The following FBXL13 variants were observed in gnomAD, a reference collection of about 807,000 sequenced individuals.
The protein encoded by FBXL13 is F-box and leucine rich repeat protein 13, also known as F-box and leucine-rich repeat protein 13.
A neutral mutation model predicts 83.6 loss-of-function variants in FBXL13; 67 were observed. The observed-to-expected ratio is 0.80, with a 90% CI of 0.66 to 0.98. The LOEUF (loss-of-function observed/expected upper bound fraction) is 0.98, where lower values mean the gene tolerates loss of function less well. Among genes scored for constraint, FBXL13 ranks in the 50% least tolerant of loss-of-function variants. FBXL13 has a pLI of 0.00. For missense variants in FBXL13, 822 were observed against 866.5 expected (o/e 0.95, Z 0.64); for synonymous variants, 272 against 299.5 (o/e 0.91, Z 0.95).
chr7:102,841,395 T>C (rs7800548), intron 17 of FBXL13, among the ~76,000 whole-genome samples: 69,690 of 151,996 alleles, frequency 0.46, 17,887 homozygotes, highest in African/African-American at 0.7. Context: ...GGATGCTCAA[T>C]ATGAAAAGAA....
At chr7:103,006,238 G>A (rs1585324091) in intron 6 of FBXL13, among the ~76,000 whole-genome samples, 1 of 152,186 alleles carries the variant, frequency 6.6e-6, no homozygotes, top group East Asian at 1.9e-4. Context: ...GCAGAAAAGT[G>A]GGAGCTACAC....
At chr7:103,018,023 C>T (rs1342670441) in intron 6 of FBXL13, among the ~76,000 whole-genome samples, 2 of 151,920 alleles carry the variant, frequency 1.3e-5, no homozygotes, top group Non-Finnish European at 2.9e-5. Flanking sequence ...ACATAATTGT[C>T]AGATTCACCA....
intron 11 of FBXL13, among the ~76,000 whole-genome samples, chr7:102,910,884 A>G (rs1814538684): frequency 6.6e-6 from 1 of 152,072 alleles, no homozygotes; most frequent in South Asian, 2.1e-4. Flanking sequence ...TCAGCCTCCC[A>G]GGCAGCTGGG....
intron 7 of FBXL13, among the ~76,000 whole-genome samples, chr7:102,967,179 T>C (rs1826058640): frequency 6.6e-6 from 1 of 152,106 alleles, no homozygotes; most frequent in South Asian, 2.1e-4. Context: ...AGGATGGTCT[T>C]GATCTCTTGA....
intron 8 of FBXL13, chr7:102,944,857 G>C (rs572139285): frequency 2.6e-6 from 1 of 384,486 alleles, no homozygotes; most frequent in South Asian, 7.2e-5. Context: ...GCAGCAGTTG[G>C]GTCCTAATGA....
intron 8 of FBXL13, among the ~76,000 whole-genome samples, chr7:102,955,295 G>A (rs961009511): frequency 6.6e-6 from 1 of 152,042 alleles, no homozygotes; most frequent in African/African-American, 2.4e-5. Context: ...AATGACTACT[G>A]GGTAAATAAT....
rs536389243 is a variant in FBXL13 at position 103,032,546 on chromosome 7, C to T, written c.1-3128G>A. On this transcript the variant is annotated intron_variant, in intron 2 of 19. Coordinates refer to ENST00000313221, the Ensembl canonical transcript of FBXL13. ...TTACACGGTTTGTTCAAACTAGAAT[C>T]CAGACAAGGACCATATATTTGCATT... 8.9e-4 allele frequency among the ~76,000 whole-genome samples: 135 copies of T among 152,264 alleles called. 2 individuals carry two copies. Among genetic ancestry groups the T allele is most frequent in the African/African-American group, 3.1e-3 (127 of 41,548 alleles).
intron 8 of FBXL13, chr7:102,934,514 A>T (rs776638319): frequency 1.1e-5 from 18 of 1,612,092 alleles, no homozygotes; most frequent in African/African-American, 8.1e-5. Context: ...ACAAAAAAAT[A>T]AAAAACTGCG....
At chr7:102,950,047 G>T (rs1339225356) in intron 8 of FBXL13, among the ~76,000 whole-genome samples, 1 of 152,154 alleles carries the variant, frequency 6.6e-6, no homozygotes, top group East Asian at 1.9e-4. Context: ...TGTGGTTGCA[G>T]TGAGCCAAGA....
chr7:102,863,659 A>G (rs889860125), intron 16 of FBXL13, among the ~76,000 whole-genome samples: 1 of 152,206 alleles, frequency 6.6e-6, no homozygotes, highest in Non-Finnish European at 1.5e-5. Context: ...TCCAAAAGTC[A>G]GATGGATGTT....
intron 11 of FBXL13, among the ~76,000 whole-genome samples, chr7:102,888,354 C>T (rs192872721): frequency 9.2e-5 from 14 of 152,204 alleles, no homozygotes; most frequent in African/African-American, 3.1e-4. Context: ...CTGGCTAATA[C>T]GGTGAAACCC....
intron 11 of FBXL13, among the ~76,000 whole-genome samples, chr7:102,912,421 A>G (rs1017100736): frequency 2.0e-5 from 3 of 152,184 alleles, no homozygotes. Flanking sequence ...ATTATGGCTT[A>G]AATCTTTTGA....
rs1013036408 is a variant in FBXL13, at chr7:102,884,317, A to G, written c.1009-5T>C. On this transcript the variant is annotated splice_region_variant and splice_polypyrimidine_tract_variant and intron_variant, in intron 11 of 19. Transcript: ENST00000313221. ...CCTGAAGCCTTGGACTGAAATCTGA[A>G]TTGTACAGAGTAGAAAATAATGGGA... 3.1e-6 allele frequency: 5 copies of G among 1,609,372 alleles called. 1 individual carries two copies. Among genetic ancestry groups the G allele is most frequent in the Non-Finnish European group, 4.3e-6 (5 of 1,175,890 alleles).
exon 14 of FBXL13, chr7:102,883,419 T>C: frequency 6.2e-7 from 1 of 1,613,748 alleles, no homozygotes. Context: ...GAGATTTGGA[T>C]AATTCTTGTC....
At chr7:102,981,139 T>C (rs1034656178) in intron 6 of FBXL13, among the ~76,000 whole-genome samples, 2 of 152,168 alleles carry the variant, frequency 1.3e-5, no homozygotes, top group Admixed American at 6.6e-5. Context: ...GGAACTATTG[T>C]AATTAGTCCT....
At chr7:102,902,465 T>C (rs901422175) in intron 11 of FBXL13, among the ~76,000 whole-genome samples, 3 of 152,196 alleles carry the variant, frequency 2.0e-5, no homozygotes, top group African/African-American at 7.2e-5. Context: ...ATGTTTGCTT[T>C]GGTTGCCTGT....
chr7:102,902,241 A>C (rs991170519), intron 11 of FBXL13, among the ~76,000 whole-genome samples: 4 of 152,196 alleles, frequency 2.6e-5, no homozygotes, highest in African/African-American at 7.2e-5. Context: ...TTCTTTGAGA[A>C]ATGTCTATTG....
chr7:103,027,655 A>T, intron 4 of FBXL13, 97 bp from the exon 6 acceptor site: 1 of 697,188 alleles, frequency 1.4e-6, no homozygotes, highest in Non-Finnish European at 2.2e-6. Context: ...TTATGAGACA[A>T]TGTCGCATCT....
intron 6 of FBXL13, among the ~76,000 whole-genome samples, chr7:102,987,352 C>T (rs1829092406): frequency 6.6e-6 from 1 of 151,966 alleles, no homozygotes; most frequent in African/African-American, 2.4e-5. Flanking sequence ...ATAATTCACA[C>T]TCTCTATGAA....
Sources: allele counts gnomAD v4.1 joint callset (sites outside exome capture counted in the v4.1 genomes callset), GRCh38; gene constraint gnomAD v4.1.1; transcripts MANE v1.5; gene names NCBI Gene and HGNC (gene_info 2026-07-23, HGNC 2026-07-21).